Variants in ZMYM2 observed in about 807,000 individuals in gnomAD.
ZMYM2 encodes the protein zinc finger MYM-type containing 2.
In ZMYM2, 56 loss-of-function variants were observed where a neutral mutation model predicts 162.8. The observed-to-expected ratio is 0.34, with a 90% CI of 0.28 to 0.43. The LOEUF (loss-of-function observed/expected upper bound fraction) is 0.43, where lower values mean the gene tolerates loss of function less well. ZMYM2 is among the 20% of genes least tolerant of loss of function. ZMYM2 has a pLI of 1.00. For missense variants in ZMYM2, 1,275 were observed against 1,621.8 expected, an observed-to-expected ratio of 0.79 and a Z score of 3.67; for synonymous variants, 510 against 541.6, an observed-to-expected ratio of 0.94 and a Z score of 0.81.
chr13:19,983,829 A>G (rs1169464442), intron 2 of ZMYM2, among the ~76,000 whole-genome samples: 1 of 151,424 alleles, frequency 6.6e-6, no homozygotes, highest in Non-Finnish European at 1.5e-5. Context: ...GGGTTTCTCC[A>G]TGTTGCCCAG....
the ZMYM2 span, among the ~76,000 whole-genome samples, chr13:19,901,376 C>T: frequency 6.6e-6 from 1 of 152,192 alleles, no homozygotes; most frequent in Non-Finnish European, 1.5e-5. Flanking sequence ...AGAAGCAACC[C>T]AAGCGTCCAC....
intron 2 of ZMYM2, among the ~76,000 whole-genome samples, chr13:19,968,312 G>A (rs1031828640): frequency 4.0e-5 from 6 of 151,540 alleles, no homozygotes; most frequent in Non-Finnish European, 7.4e-5. Context: ...GTGTGATCTC[G>A]GTCCACTGCA....
At position 20,006,732 on chromosome 13, in the gene ZMYM2, T is replaced by A. The variant is rs373769101; in HGVS notation, c.1512+146T>A. On this transcript the variant is annotated intron_variant, in intron 6 of 24. Coordinates refer to ENST00000610343, the MANE Select transcript of ZMYM2 (RefSeq NM_197968.4). ...ATTGTTGTCATATCATGGAGCATAC[T>A]GAATGCATAGTGCTTTGTACCATTA... 52 of 860,136 alleles carry A rather than the reference T, an allele frequency of 6.0e-5. No individual in the cohort carries two copies. The African/African-American group carries it at 6.2e-4, about 10-fold the overall frequency. 53.3% of individuals were successfully genotyped at this position (860,136 alleles called of 1,614,324 possible). A position where few individuals can be genotyped will look rare whatever the true frequency, so the allele number is the denominator to read the frequency against.
intron 7 of ZMYM2, among the ~76,000 whole-genome samples, chr13:20,023,942 T>TC (rs942422006): frequency 6.8e-6 from 1 of 147,310 alleles, no homozygotes; most frequent in African/African-American, 2.5e-5. Context: ...TTCTTCTTCT[T>TC]TTTTTTTTTT....
intron 14 of ZMYM2, among the ~76,000 whole-genome samples, 179 bp from the exon 15 acceptor site, chr13:20,058,396 A>G (rs1001047804): frequency 6.6e-6 from 1 of 152,210 alleles, no homozygotes; most frequent in African/African-American, 2.4e-5. Context: ...TAGTTAGGAT[A>G]GATTCATATT....
chr13:20,073,942 A>G (rs1254864213), intron 21 of ZMYM2, among the ~76,000 whole-genome samples: 2 of 152,128 alleles, frequency 1.3e-5, no homozygotes, highest in African/African-American at 2.4e-5. Flanking sequence ...TTGTGCAACC[A>G]GCATCACCAT....
chr13:20,058,590 C>A lies in ZMYM2; in HGVS notation c.2509C>A (p.Pro837Thr). ...TTCTCCATAGGGTTCAGCACCACCC[C>A]CTTCTCCAACACCTAACAAAGAGAT... Reference protein sequence around the residue: ...RTKMTGSAPPPSPTPNKEMKN... With the variant: ...RTKMTGSAPPTSPTPNKEMKN... The change falls in exon 15 of 25, where the codon CCT becomes ACT. Residue 837 changes from proline (P) to threonine (T), a missense_variant. Pro to Thr is a conservative substitution (Grantham distance 38). This residue lies in a region of ZMYM2 where 177 missense variants were observed against 228.0 expected (regional missense o/e 0.78). Coordinates refer to ENST00000610343, the MANE Select transcript of ZMYM2 (RefSeq NM_197968.4). 1 of 1,613,626 alleles carries A rather than the reference C, an allele frequency of 6.2e-7. No homozygotes were observed. The highest frequency in any genetic ancestry group is 8.5e-7 in the Non-Finnish European group (1 of 1,179,700).
chr13:20,031,288 C>T (rs1485513136), intron 9 of ZMYM2, 31 bp from the exon 10 acceptor site: 1 of 1,467,584 alleles, frequency 6.8e-7, no homozygotes, highest in Non-Finnish European at 9.4e-7. Context: ...ACATACATGT[C>T]AGGCTTAGTA....
intron 14 of ZMYM2, among the ~76,000 whole-genome samples, chr13:20,053,943 C>T (rs944435852): frequency 6.6e-6 from 1 of 152,192 alleles, no homozygotes; most frequent in Non-Finnish European, 1.5e-5. Flanking sequence ...AAGATGACTA[C>T]TCCCTATTTT....
chr13:19,946,493 T>TAATC, the ZMYM2 span, among the ~76,000 whole-genome samples: 2 of 152,378 alleles, frequency 1.3e-5, no homozygotes, highest in South Asian at 2.1e-4. Flanking sequence ...AAGTGTTCTA[T>TAATC]AATCATTAGC....
At chr13:19,883,774 G>A in the ZMYM2 span, among the ~76,000 whole-genome samples, 1 of 151,918 alleles carries the variant, frequency 6.6e-6, no homozygotes, top group Non-Finnish European at 1.5e-5. Flanking sequence ...ATTTTTTTGA[G>A]CTGGAATCTT....
chr13:20,005,164 C>T lies in ZMYM2; in HGVS notation c.1224C>T (p.Leu408=). Residue 408 remains leucine (L), a synonymous_variant, in exon 5 of 25, where the codon CTC becomes CTT. Transcript: ENST00000610343. ...TCTGTAGTACATCTTGTTTATCTCTCTATGAAGACAAACAGAATCCTACTA... is the reference window on the plus strand; with the variant it reads ...TCTGTAGTACATCTTGTTTATCTCTTTATGAAGACAAACAGAATCCTACTA... ...QEFCSTSCLS[L]YEDKQNPTKG... 4.4e-6 allele frequency: 7 copies of T among 1,595,860 alleles called. No homozygotes were observed. Among genetic ancestry groups the T allele is most frequent in the Non-Finnish European group, 6.0e-6 (7 of 1,173,736 alleles).
At chr13:19,904,357 G>A in the ZMYM2 span, among the ~76,000 whole-genome samples, 1 of 151,854 alleles carries the variant, frequency 6.6e-6, no homozygotes, top group African/African-American at 2.4e-5. Flanking sequence ...CGGAGTTCGC[G>A]ACCAGCCTGG....
At chr13:20,002,586 T>C (rs550207850) in intron 3 of ZMYM2, among the ~76,000 whole-genome samples, 1 of 152,306 alleles carries the variant, frequency 6.6e-6, no homozygotes, top group African/African-American at 2.4e-5. Flanking sequence ...AATGGCTAGA[T>C]TGAGCTCTGA....
At chr13:19,941,207 G>A in the ZMYM2 span, among the ~76,000 whole-genome samples, 1 of 151,806 alleles carries the variant, frequency 6.6e-6, no homozygotes, top group Non-Finnish European at 1.5e-5. Context: ...TACTTGGGAG[G>A]GTGAAGTAGA....
At chr13:20,026,071 TTTTTA>T (rs2140248061) in intron 7 of ZMYM2, 1 of 152,330 alleles carries the variant, frequency 6.6e-6, no homozygotes, top group African/African-American at 2.4e-5. Flanking sequence ...CAAAAAAATT[TTTTTA>T]TTTTATTGTG....
rs115895506 is a variant in ZMYM2 at position 19,976,761 on chromosome 13, G to A, written c.-10-16302G>A. Among the ~76,000 whole-genome samples the A allele has an allele frequency of 7.4e-3, 1,134 of 152,244 alleles. 19 individuals are homozygous for A. The highest frequency in any genetic ancestry group is 0.026 in the African/African-American group (1,064 of 41,542). Reference sequence around the variant, plus strand: ...ATTTTCTTCCTTTTAGAAGTCTATTGTATGTATATGTCTTTTAGGTCTGAG... The same window carrying A: ...ATTTTCTTCCTTTTAGAAGTCTATTATATGTATATGTCTTTTAGGTCTGAG... On this transcript the variant is annotated intron_variant, in intron 2 of 24. Coordinates refer to ENST00000610343, the MANE Select transcript of ZMYM2 (RefSeq NM_197968.4).
In ZMYM2 at chr13:19,990,167, T is replaced by C. The variant is rs1179981933; in HGVS notation, c.-10-2896T>C. ...ACCTTTAGTTAGAATTAATGCTTTC[T>C]AAGCTTAGGCAGGGCTGTTTACCTG... On this transcript the variant is annotated intron_variant, in intron 2 of 24. Coordinates refer to ENST00000610343, the MANE Select transcript of ZMYM2 (RefSeq NM_197968.4). 2.6e-5 allele frequency among the ~76,000 whole-genome samples: 4 copies of C among 152,366 alleles called. No individual in the cohort carries two copies. The East Asian group carries it at 5.8e-4, about 22-fold the overall frequency.
the ZMYM2 span, among the ~76,000 whole-genome samples, chr13:19,946,341 A>G: frequency 1.3e-4 from 20 of 151,060 alleles, no homozygotes; most frequent in African/African-American, 4.9e-4. Context: ...CCTGCTCTTG[A>G]CTCTCCTTTC....
Sources: allele counts gnomAD v4.1 joint callset (sites outside exome capture counted in the v4.1 genomes callset), GRCh38; gene constraint gnomAD v4.1.1; regional missense constraint gnomAD v4.1.1; transcripts MANE v1.5; gene names NCBI Gene and HGNC (gene_info 2026-07-23, HGNC 2026-07-21).